Variants in VOPP1 observed in about 807,000 individuals in gnomAD.
VOPP1 encodes the protein WW domain binding protein VOPP1.
VOPP1 carries 8 observed loss-of-function variants against 23.5 expected under a neutral mutation model. That is an observed-to-expected ratio of 0.34 (90% CI 0.20 to 0.61). VOPP1 has a LOEUF of 0.61. Among genes scored for constraint, VOPP1 ranks in the 20% least tolerant of loss-of-function variants. VOPP1 has a pLI of 0.78. For missense variants in VOPP1, 174 were observed against 238.1 expected (o/e 0.73, Z 1.77); for synonymous variants, 83 against 97.3 (o/e 0.85, Z 0.86).
intron 4 of VOPP1, among the ~76,000 whole-genome samples, chr7:55,438,805 C>T (rs1167733245): frequency 1.3e-5 from 2 of 152,170 alleles, no homozygotes; most frequent in Admixed American, 6.5e-5. Context: ...AGCAGAGACC[C>T]AGGCAGCGGG....
chr7:55,539,898 T>TAC (rs1562611943), intron 1 of VOPP1, among the ~76,000 whole-genome samples: 18 of 71,442 alleles, frequency 2.5e-4, no homozygotes, highest in African/African-American at 7.5e-4. Flanking sequence ...ACATAAGCGC[T>TAC]GCACACACAC....
In VOPP1 at chr7:55,543,009, G is replaced by A. The variant is rs971954285; in HGVS notation, c.55-21879C>T. ...TGGCTCACTGCAAGCTCCACCTCCC[G>A]GGTTCACACCATTCTCCTGCTTCAG... On this transcript the variant is annotated intron_variant, in intron 1 of 4. Transcript: ENST00000285279. 5.9e-5 allele frequency among the ~76,000 whole-genome samples: 9 copies of A among 151,962 alleles called. No individual in the cohort carries two copies. In the South Asian group the frequency reaches 1.5e-3, roughly 25 times the overall value.
At chr7:55,526,982 T>C (rs983726150) in intron 1 of VOPP1, 15 of 152,156 alleles carry the variant, frequency 9.9e-5, no homozygotes, top group African/African-American at 3.6e-4. Context: ...TTGAGCCCAA[T>C]TAGAGTGGGC....
downstream of VOPP1, among the ~76,000 whole-genome samples, chr7:55,469,515 T>A (rs931572081): frequency 2.6e-5 from 4 of 152,180 alleles, no homozygotes; most frequent in African/African-American, 9.7e-5. Context: ...CCACACACAG[T>A]GCCAAGTAGT....
chr7:55,523,883 GTATAT>G (rs1384134109), intron 1 of VOPP1, among the ~76,000 whole-genome samples: 1 of 152,212 alleles, frequency 6.6e-6, no homozygotes, highest in African/African-American at 2.4e-5. Context: ...ATTCTTCTGA[GTATAT>G]CTTTTTATGT....
intron 3 of VOPP1, among the ~76,000 whole-genome samples, chr7:55,495,409 C>G (rs1159706566): frequency 6.6e-6 from 1 of 152,208 alleles, no homozygotes. Context: ...CAGCCCCTCC[C>G]TCCCATCCTG....
intron 1 of VOPP1, among the ~76,000 whole-genome samples, chr7:55,534,417 G>A (rs1430654519): frequency 6.6e-6 from 1 of 152,222 alleles, no homozygotes; most frequent in African/African-American, 2.4e-5. Context: ...GGGCAGCTGC[G>A]TGTAGGGAGC....
chr7:55,511,256 C>G (rs993120168), intron 2 of VOPP1, among the ~76,000 whole-genome samples: 2 of 152,138 alleles, frequency 1.3e-5, no homozygotes, highest in African/African-American at 4.8e-5. Context: ...GCAATGATAG[C>G]CTATTATCAT....
At chr7:55,516,599 T>C (rs1337968186) in intron 2 of VOPP1, among the ~76,000 whole-genome samples, 4 of 152,160 alleles carry the variant, frequency 2.6e-5, no homozygotes, top group Non-Finnish European at 5.9e-5. Flanking sequence ...CCACCTGGGA[T>C]TTCCGGTGAG....
At chr7:55,519,971 T>C (rs1198430053) in intron 2 of VOPP1, among the ~76,000 whole-genome samples, 1 of 151,920 alleles carries the variant, frequency 6.6e-6, no homozygotes, top group East Asian at 1.9e-4. Context: ...CTACTAGAAA[T>C]AGAAAAATTA....
intron 4 of VOPP1, among the ~76,000 whole-genome samples, chr7:55,485,570 G>A (rs898635723): frequency 5.9e-5 from 9 of 152,330 alleles, no homozygotes; most frequent in South Asian, 4.1e-4. Context: ...AGAGGAGGTC[G>A]GAAGTCACTG....
At chr7:55,568,643 A>T (rs1290577973) in intron 1 of VOPP1, among the ~76,000 whole-genome samples, 1 of 152,230 alleles carries the variant, frequency 6.6e-6, no homozygotes, top group Non-Finnish European at 1.5e-5. Flanking sequence ...AGTAGATTTC[A>T]AAAGTGTAAC....
At chr7:55,525,181 C>T (rs1161381080) in intron 1 of VOPP1, among the ~76,000 whole-genome samples, 1 of 152,124 alleles carries the variant, frequency 6.6e-6, no homozygotes, top group South Asian at 2.1e-4. Context: ...GGGTCTCACT[C>T]TCCTCGTTTG....
intron 1 of VOPP1, among the ~76,000 whole-genome samples, chr7:55,540,666 C>T (rs986686527): frequency 3.3e-5 from 5 of 152,152 alleles, no homozygotes; most frequent in African/African-American, 4.8e-5. Flanking sequence ...AGGGCTCCTC[C>T]AGACACCACG....
intron 1 of VOPP1, among the ~76,000 whole-genome samples, chr7:55,546,609 GTAT>G (rs779808993): frequency 2.6e-5 from 4 of 152,188 alleles, no homozygotes; most frequent in African/African-American, 4.8e-5. Context: ...CAGCAACTCT[GTAT>G]TTGCTCTGCA....
chr7:55,511,683 CA>C (rs1795080071), intron 2 of VOPP1, among the ~76,000 whole-genome samples: 3 of 152,192 alleles, frequency 2.0e-5, no homozygotes, highest in Admixed American at 1.3e-4. Context: ...CAAAAGAATG[CA>C]ACCACTTGTC....
At chr7:55,477,493 G>A (rs2129010888) in intron 4 of VOPP1, among the ~76,000 whole-genome samples, 1 of 152,292 alleles carries the variant, frequency 6.6e-6, no homozygotes, top group Middle Eastern at 3.4e-3. Context: ...CTGTGCCAAG[G>A]CCGTGGCTCC....
intron 4 of VOPP1, among the ~76,000 whole-genome samples, chr7:55,439,382 T>C (rs115803460): frequency 0.016 from 2,427 of 152,048 alleles, 73 homozygotes; most frequent in African/African-American, 0.054. Context: ...GGAGTCAGTG[T>C]GGAGGTCTGC....
chr7:55,476,048 C>G (rs867727196), intron 4 of VOPP1, among the ~76,000 whole-genome samples: 1 of 152,096 alleles, frequency 6.6e-6, no homozygotes, highest in African/African-American at 2.4e-5. Context: ...GAAGTTCAGG[C>G]AAGGGTGGGA....
Sources: gnomAD v4.1 joint callset for allele counts (sites outside exome capture counted in the v4.1 genomes callset) on GRCh38, gnomAD v4.1.1 for gene constraint, MANE v1.5 for transcripts, NCBI Gene and HGNC (gene_info 2026-07-23, HGNC 2026-07-21) for gene names.